The following UBASH3B variants were observed in gnomAD, a reference collection of about 807,000 sequenced individuals.
The protein encoded by UBASH3B is ubiquitin-associated and SH3 domain-containing protein B.
A neutral mutation model predicts 83.4 loss-of-function variants in UBASH3B; 37 were observed. The observed-to-expected ratio is 0.44, with a 90% CI of 0.34 to 0.58. The LOEUF is 0.58. Ranked by LOEUF, UBASH3B falls within the 20% of genes least tolerant of loss-of-function variation. The pLI is 0.01. For missense variants in UBASH3B, 657 were observed against 827.2 expected (o/e 0.79, Z 2.52); for synonymous variants, 304 against 318.3 (o/e 0.96, Z 0.48).
At chr11:122,774,969 C>T (rs1202673105) in intron 1 of UBASH3B, among the ~76,000 whole-genome samples, 1 of 152,078 alleles carries the variant, frequency 6.6e-6, no homozygotes, top group Non-Finnish European at 1.5e-5. Context: ...TCTCCCTGTC[C>T]TATGTTCTTA....
chr11:122,710,322 G>A (rs1476554266), intron 1 of UBASH3B, among the ~76,000 whole-genome samples: 1 of 152,158 alleles, frequency 6.6e-6, no homozygotes, highest in African/African-American at 2.4e-5. Flanking sequence ...GAAAGAGCAA[G>A]TCCCGGAGCG....
chr11:122,772,060 G>C (rs1860654475), intron 1 of UBASH3B, among the ~76,000 whole-genome samples: 1 of 152,214 alleles, frequency 6.6e-6, no homozygotes, highest in African/African-American at 2.4e-5. Flanking sequence ...AGCTTATGTG[G>C]TGTTCAACAG....
chr11:122,749,428 T>C (rs943731763), intron 1 of UBASH3B, among the ~76,000 whole-genome samples: 6 of 152,264 alleles, frequency 3.9e-5, no homozygotes, highest in African/African-American at 1.4e-4. Flanking sequence ...ATTTGCATTG[T>C]GCTTTGCATC....
chr11:122,692,384 C>T (rs77174220), intron 1 of UBASH3B, among the ~76,000 whole-genome samples: 2 of 152,284 alleles, frequency 1.3e-5, no homozygotes, highest in African/African-American at 4.8e-5. Context: ...ATTGATTACT[C>T]ACTGTAAGAT....
At chr11:122,722,706 A>G (rs1860660684) in intron 1 of UBASH3B, among the ~76,000 whole-genome samples, 1 of 134,906 alleles carries the variant, frequency 7.4e-6, no homozygotes, top group Non-Finnish European at 1.7e-5. Context: ...CAGATCTGGT[A>G]TTTCTTTTTT....
At chr11:122,726,346 C>CCTCT (rs1860740110) in intron 1 of UBASH3B, 1 of 92,252 alleles carries the variant, frequency 1.1e-5, no homozygotes, top group African/African-American at 3.5e-5. Flanking sequence ...CTTTCTTCTT[C>CCTCT]TTCTTTTTTT....
chr11:122,740,574 G>A (rs943479602), intron 1 of UBASH3B, among the ~76,000 whole-genome samples: 44 of 152,148 alleles, frequency 2.9e-4, no homozygotes, highest in South Asian at 6.2e-4. Flanking sequence ...TTGTACATGG[G>A]ATATCACTGA....
chr11:122,720,109 A>G (rs1860596919), intron 1 of UBASH3B, among the ~76,000 whole-genome samples: 2 of 152,098 alleles, frequency 1.3e-5, no homozygotes, highest in Admixed American at 6.6e-5. Flanking sequence ...CCATATGCTG[A>G]CAACTCCTGC....
chr11:122,767,558 G>A (rs188141705), intron 1 of UBASH3B, among the ~76,000 whole-genome samples: 1,790 of 152,160 alleles, frequency 0.012, 38 homozygotes, highest in Admixed American at 0.045. Flanking sequence ...TGATCCACCC[G>A]CCTCGGCCTC....
intron 1 of UBASH3B, among the ~76,000 whole-genome samples, chr11:122,716,598 C>A (rs1427846187): frequency 1.3e-5 from 2 of 152,140 alleles, no homozygotes; most frequent in Non-Finnish European, 2.9e-5. Context: ...TCAGGATGTC[C>A]TTTCACCTCC....
chr11:122,680,220 T>C (rs999292068), intron 1 of UBASH3B, among the ~76,000 whole-genome samples: 3 of 152,250 alleles, frequency 2.0e-5, no homozygotes, highest in Non-Finnish European at 4.4e-5. Context: ...CCCTGGGCTG[T>C]AGTTTGCTGG....
chr11:122,789,204 C>T lies in UBASH3B; in HGVS notation c.876C>T (p.Ser292=), dbSNP rs373957579. ...CTCCAATGGAGCAGACCAGCACCAGCGAGGGTTGGATCTATGGCACGTCCT... is the reference window on the plus strand; with the variant it reads ...CTCCAATGGAGCAGACCAGCACCAGTGAGGGTTGGATCTATGGCACGTCCT... The part of the protein sequence containing the change: ...FMSPMEQTST[S]EGWIYGTSLT... The change falls in exon 6 of 14, where the codon AGC becomes AGT. Residue 292 remains serine (S), a synonymous_variant. Transcript: ENST00000284273. 6.8e-6 allele frequency: 11 copies of T among 1,614,016 alleles called. No individual in the cohort carries two copies. The highest frequency in any genetic ancestry group is 4.0e-5 in the African/African-American group (3 of 74,904).
chr11:122,746,010 G>A (rs531089244), intron 1 of UBASH3B, among the ~76,000 whole-genome samples: 18 of 152,188 alleles, frequency 1.2e-4, no homozygotes, highest in African/African-American at 2.2e-4. Flanking sequence ...AGCCTGGCAC[G>A]GGACCTCGTC....
rs560738210 is a variant in UBASH3B, at chr11:122,725,825, C to T, written c.162-50394C>T. Reference sequence around the variant, plus strand: ...TCTCCTGCCTCAGCCTCCTGAGTAGCAGGGATTATAGGTGTGCACCACCAC... The same window carrying T: ...TCTCCTGCCTCAGCCTCCTGAGTAGTAGGGATTATAGGTGTGCACCACCAC... On this transcript the variant is annotated intron_variant, in intron 1 of 13. Transcript: ENST00000284273. Among the ~76,000 whole-genome samples the T allele has an allele frequency of 2.0e-3, 298 of 152,158 alleles. 1 individual carries two copies. The highest frequency in any genetic ancestry group is 3.3e-3 in the Non-Finnish European group (225 of 68,010).
At chr11:122,800,640 G>T (rs960180598) in intron 10 of UBASH3B, among the ~76,000 whole-genome samples, 96 of 151,992 alleles carry the variant, frequency 6.3e-4, no homozygotes, top group African/African-American at 2.0e-3. Flanking sequence ...ATAGAATCTC[G>T]CTCTGTCACC....
intron 1 of UBASH3B, among the ~76,000 whole-genome samples, chr11:122,747,985 G>A (rs1057157305): frequency 6.6e-6 from 1 of 152,182 alleles, no homozygotes; most frequent in African/African-American, 2.4e-5. Flanking sequence ...CATACACCAC[G>A]TTACACATGA....
At chr11:122,739,860 A>G (rs2156805) in intron 1 of UBASH3B, among the ~76,000 whole-genome samples, 90,372 of 152,076 alleles carry the variant, frequency 0.59, 27,613 homozygotes, top group African/African-American at 0.74. Context: ...CACATCCTTC[A>G]GACAGATGGC....
At chr11:122,719,538 C>T (rs779013781) in intron 1 of UBASH3B, among the ~76,000 whole-genome samples, 1 of 152,170 alleles carries the variant, frequency 6.6e-6, no homozygotes, top group Admixed American at 6.5e-5. Context: ...TTCATCAGAA[C>T]CAGGCATCTA....
chr11:122,688,451 T>G, intron 1 of UBASH3B, among the ~76,000 whole-genome samples: 1 of 125,246 alleles, frequency 8.0e-6, no homozygotes, highest in Non-Finnish European at 1.9e-5. Flanking sequence ...GTGGTTTGTT[T>G]GTTTTTTTTT....
Sources: allele counts gnomAD v4.1 joint callset (sites outside exome capture counted in the v4.1 genomes callset), GRCh38; gene constraint gnomAD v4.1.1; transcripts MANE v1.5; gene names NCBI Gene and HGNC (gene_info 2026-07-23, HGNC 2026-07-21).